The following AVEN variants were observed in gnomAD, a reference collection of about 807,000 sequenced individuals.
The protein encoded by AVEN is apoptosis and caspase activation inhibitor, also known as cell death regulator Aven.
In AVEN, 41 loss-of-function variants were observed where a neutral mutation model predicts 38.1. That is an observed-to-expected ratio of 1.08 (90% CI 0.84 to 1.40). The LOEUF is 1.40. AVEN is among the 40% of genes most tolerant of loss of function. The pLI is 0.00. For missense variants in AVEN, 605 were observed against 438.8 expected (o/e 1.38, Z -3.38); for synonymous variants, 206 against 171.8 (o/e 1.20, Z -1.56).
At chr15:33,891,880 C>T (rs1891987374) in intron 2 of AVEN, among the ~76,000 whole-genome samples, 1 of 152,210 alleles carries the variant, frequency 6.6e-6, no homozygotes, top group African/African-American at 2.4e-5. Context: ...TCCACATCTT[C>T]TCCAGCATCT....
intron 2 of AVEN, among the ~76,000 whole-genome samples, chr15:33,906,944 G>C (rs150685493): frequency 1.3e-5 from 2 of 152,020 alleles, no homozygotes; most frequent in African/African-American, 4.8e-5. Flanking sequence ...TTTTAAAAAG[G>C]GGTGTGGGGG....
At chr15:34,065,659 T>C (rs922986412) in intron 4 of AVEN, 5 of 152,090 alleles carry the variant, frequency 3.3e-5, no homozygotes, top group Non-Finnish European at 7.4e-5. Context: ...AATAAAACAG[T>C]TGACATGCAT....
intron 2 of AVEN, among the ~76,000 whole-genome samples, chr15:33,970,671 T>C (rs1406680283): frequency 1.4e-5 from 2 of 147,666 alleles, no homozygotes; most frequent in South Asian, 2.1e-4. Flanking sequence ...TAATTAAAGA[T>C]TTTTTAATTA....
intron 2 of AVEN, among the ~76,000 whole-genome samples, chr15:33,909,471 A>G (rs1412723533): frequency 6.6e-6 from 1 of 152,222 alleles, no homozygotes; most frequent in Admixed American, 6.5e-5. Flanking sequence ...GTGAACAAAA[A>G]AGCAGGAATC....
chr15:33,898,183 C>T (rs7402331), intron 2 of AVEN, among the ~76,000 whole-genome samples: 5,963 of 152,210 alleles, frequency 0.039, 346 homozygotes, highest in South Asian at 0.14. Flanking sequence ...TGCGAGACTC[C>T]GTCTCAAAAC....
chr15:33,985,476 C>G (rs1252579739), intron 2 of AVEN, among the ~76,000 whole-genome samples: 1 of 128,782 alleles, frequency 7.8e-6, no homozygotes, highest in Non-Finnish European at 1.7e-5. Context: ...AGAAGCAACC[C>G]TGGGGGAGAT....
chr15:33,855,741 T>C (rs924013278), downstream of AVEN: 1 of 152,342 alleles, frequency 6.6e-6, no homozygotes, highest in East Asian at 1.9e-4. Flanking sequence ...ATATACATTA[T>C]ATAGTTAATA....
chr15:33,900,869 G>GTC (rs1471948604), intron 2 of AVEN, among the ~76,000 whole-genome samples: 3 of 152,068 alleles, frequency 2.0e-5, no homozygotes, highest in African/African-American at 7.2e-5. Context: ...ACCTTGAGAC[G>GTC]TATCTTCTAC....
intron 2 of AVEN, among the ~76,000 whole-genome samples, chr15:33,880,909 C>T (rs1891460337): frequency 6.6e-6 from 1 of 151,890 alleles, no homozygotes; most frequent in Non-Finnish European, 1.5e-5. Context: ...CTTTGATGCA[C>T]ACAAAATAAA....
intron 5 of AVEN, among the ~76,000 whole-genome samples, chr15:34,044,706 A>G (rs559511530): frequency 6.8e-6 from 1 of 147,834 alleles, no homozygotes; most frequent in Non-Finnish European, 1.5e-5. Context: ...AAATGGGTCC[A>G]GTTTATGCCT....
intron 1 of AVEN, among the ~76,000 whole-genome samples, chr15:34,035,899 A>C (rs553819287): frequency 1.3e-5 from 2 of 152,264 alleles, no homozygotes; most frequent in South Asian, 4.1e-4. Context: ...GGCTCAAAAC[A>C]ATCCGGCTGC....
exon 5 of AVEN, chr15:34,062,978 C>T (rs1597395701): frequency 6.2e-7 from 1 of 1,614,194 alleles, no homozygotes; most frequent in Non-Finnish European, 8.5e-7. Context: ...TGAACCTCTA[C>T]ACCACCTACA....
intron 2 of AVEN, among the ~76,000 whole-genome samples, chr15:33,953,403 A>G (rs1447273282): frequency 6.6e-6 from 1 of 152,246 alleles, no homozygotes; most frequent in Non-Finnish European, 1.5e-5. Context: ...ACAAGGCTAC[A>G]GTAACCAAAA....
chr15:34,068,949 C>A (rs1407569714), intron 2 of AVEN, among the ~76,000 whole-genome samples: 2 of 151,652 alleles, frequency 1.3e-5, no homozygotes, highest in African/African-American at 4.8e-5. Flanking sequence ...GTAGCTGGGA[C>A]TACAGGCGCC....
At chr15:34,051,424 A>G (rs914106321) in intron 5 of AVEN, among the ~76,000 whole-genome samples, 15 of 152,172 alleles carry the variant, frequency 9.9e-5, no homozygotes, top group African/African-American at 3.4e-4. Context: ...ACATCACAAC[A>G]AAAAGAACTA....
At chr15:33,922,453 T>G (rs1893433654) in intron 2 of AVEN, among the ~76,000 whole-genome samples, 1 of 152,176 alleles carries the variant, frequency 6.6e-6, no homozygotes, top group Admixed American at 6.5e-5. Context: ...CTCTTATTTT[T>G]GAGACAGGGT....
downstream of AVEN, chr15:33,864,728 A>ACAGTTCACTCATTCAATGGGAGAGGTACC (rs1597147649): frequency 2.7e-5 from 5 of 187,502 alleles, no homozygotes; most frequent in East Asian, 6.9e-4. Context: ...GGAAAACTTT[A>ACAGTTCACTCATTCAATGGGAGAGGTACC]CAGTTCACTC....
chr15:33,883,146 C>T (rs1567394596), intron 2 of AVEN, among the ~76,000 whole-genome samples: 1 of 152,274 alleles, frequency 6.6e-6, no homozygotes, highest in East Asian at 1.9e-4. Context: ...TTACCATCAT[C>T]AGTACTCTAT....
chr15:34,043,109 T>C (rs1331940774), upstream of AVEN, among the ~76,000 whole-genome samples: 1 of 151,870 alleles, frequency 6.6e-6, no homozygotes, highest in East Asian at 2.0e-4. Flanking sequence ...TAGCCAGGCA[T>C]GGTGACGGGC....
Sources: gnomAD v4.1 joint callset for allele counts (sites outside exome capture counted in the v4.1 genomes callset) on GRCh38, gnomAD v4.1.1 for gene constraint, MANE v1.5 for transcripts, NCBI Gene and HGNC (gene_info 2026-07-23, HGNC 2026-07-21) for gene names.